The following PRDX6 variants were observed in gnomAD, a reference collection of about 807,000 sequenced individuals.
The protein encoded by PRDX6 is peroxiredoxin 6.
PRDX6 carries 13 observed loss-of-function variants against 20.0 expected under a neutral mutation model. The observed-to-expected ratio is 0.65, with a 90% CI of 0.42 to 1.03. The LOEUF (loss-of-function observed/expected upper bound fraction) is 1.03. Ranked by LOEUF, PRDX6 falls within the 50% of genes least tolerant of loss-of-function variation. The probability of loss-of-function intolerance (pLI) is 0.00; values close to 1 mark genes in which losing one functional copy is unlikely to be tolerated. For synonymous variants in PRDX6, 85 were observed against 100.8 expected (o/e 0.84, Z 0.94); for missense variants, 203 against 276.9 (o/e 0.73, Z 1.89).
At position 173,477,505 on chromosome 1, in the gene PRDX6, C is replaced by T. The variant is rs377000758; in HGVS notation, c.95+13C>T. ...TTCTGGGAGACTCGTAAGTGGCCAC[C>T]GCGTAGCCCTGTCCTGGCCTCGGTT... On this transcript the variant is annotated intron_variant, in intron 1 of 4. Transcript: ENST00000340385. 2.5e-6 allele frequency: 4 copies of T among 1,590,816 alleles called. No homozygotes were observed. The African/African-American group carries it at 4.1e-5, about 16-fold the overall frequency.
intron 1 of PRDX6, among the ~76,000 whole-genome samples, chr1:173,479,190 T>G (rs1658761363): frequency 6.6e-6 from 1 of 152,218 alleles, no homozygotes; most frequent in African/African-American, 2.4e-5. Flanking sequence ...TATTGGCCTC[T>G]AGATCCATCT....
At chr1:173,486,443 G>A (rs550921506) in intron 4 of PRDX6, 42 bp downstream of exon 4, 3 of 1,572,350 alleles carry the variant, frequency 1.9e-6, no homozygotes, top group South Asian at 1.2e-5. Context: ...CTTGCCTGAA[G>A]GGCCAGTCTC....
In PRDX6 at chr1:173,485,459, G is replaced by A. The variant is rs1658880213; in HGVS notation, c.351G>A (p.Leu117=). The stretch of plus-strand genomic sequence containing the variant: ...AGCTTGCCATCCTGTTGGGCATGCT[G>A]GATCCAGCAGAGAAGGATGAAAAGG... ...NRELAILLGM[L]DPAEKDEKGM... Residue 117 remains leucine (L), a synonymous_variant, in exon 3 of 5, where the codon CTG becomes CTA. Coordinates refer to ENST00000340385, the MANE Select transcript of PRDX6 (RefSeq NM_004905.3). 6.2e-7 allele frequency: 1 copy of A among 1,610,520 alleles called. No homozygotes were observed. The highest frequency in any genetic ancestry group is 1.7e-5 in the Admixed American group (1 of 59,408).
intron 2 of PRDX6, among the ~76,000 whole-genome samples, chr1:173,483,845 G>A (rs1319351185): frequency 6.6e-6 from 1 of 152,024 alleles, no homozygotes; most frequent in East Asian, 1.9e-4. Context: ...GCTCTCGCCT[G>A]TAATCCCAAC....
Position 173,488,364 on chromosome 1 carries a change from T to C in PRDX6, c.*501T>C, listed in dbSNP as rs1658936807. ...ATGCGCTTTAATTTTTTTTAATATG[T>C]TTTGATCACAGAACTTCTAGAATAA... On this transcript the variant is annotated 3_prime_UTR_variant, in exon 5 of 5. Transcript: ENST00000340385. The C allele has an allele frequency of 6.5e-6, 1 of 152,754 alleles. No individual in the cohort carries two copies. Among genetic ancestry groups the C allele is most frequent in the African/African-American group, 2.4e-5 (1 of 41,454 alleles). The allele number at this position is 152,754 out of a possible 1,614,324, so 9.5% of individuals were successfully genotyped here.
chr1:173,483,508 G>A (rs1258034277), intron 2 of PRDX6, among the ~76,000 whole-genome samples: 3 of 151,950 alleles, frequency 2.0e-5, no homozygotes, highest in South Asian at 2.1e-4. Context: ...CTGAGATCGC[G>A]CCACTGCACT....
intron 1 of PRDX6, among the ~76,000 whole-genome samples, chr1:173,477,759 G>A (rs1658725514): frequency 6.6e-6 from 1 of 152,246 alleles, no homozygotes; most frequent in Non-Finnish European, 1.5e-5. Flanking sequence ...GCTGGGCAAG[G>A]CCACGCCAAG....
intron 4 of PRDX6, among the ~76,000 whole-genome samples, chr1:173,487,374 G>T (rs948579304): frequency 6.6e-6 from 1 of 152,200 alleles, no homozygotes; most frequent in Non-Finnish European, 1.5e-5. Flanking sequence ...AGGAATACAA[G>T]GAAAGCTAGC....
chr1:173,477,376 G>GCGCCCCCTCATCACCGT lies in PRDX6; in HGVS notation c.-17_-1dup, dbSNP rs776577500. 2 of 1,593,166 alleles carry GCGCCCCCTCATCACCGT rather than the reference G, an allele frequency of 1.3e-6. No individual in the cohort carries two copies. Among genetic ancestry groups the GCGCCCCCTCATCACCGT allele is most frequent in the South Asian group, 2.2e-5 (2 of 89,430 alleles). On this transcript the variant is annotated 5_prime_UTR_variant, in exon 1 of 5. Coordinates refer to ENST00000340385, the MANE Select transcript of PRDX6 (RefSeq NM_004905.3). Reference sequence around the variant, plus strand: ...CAACCGGTTGCTTGCTGTCCCAGCGGCGCCCCCTCATCACCGTCGCCATGC... The same window carrying GCGCCCCCTCATCACCGT: ...CAACCGGTTGCTTGCTGTCCCAGCGGCGCCCCCTCATCACCGTCGCCCCCTCATCACCGTCGCCATGC...
At chr1:173,483,562 T>C (rs1658840955) in intron 2 of PRDX6, among the ~76,000 whole-genome samples, 1 of 151,862 alleles carries the variant, frequency 6.6e-6, no homozygotes, top group African/African-American at 2.4e-5. Context: ...AATAAATAAA[T>C]AAAAAGAATT....
chr1:173,477,481 T>G lies in PRDX6; in HGVS notation c.84T>G (p.Phe28Leu). ...TTVGRIRFHDFLGDSWGILFS... is the reference protein window; with the variant it reads ...TTVGRIRFHDLLGDSWGILFS... ...TCGGCCGCATCCGTTTCCACGACTT[T>G]CTGGGAGACTCGTAAGTGGCCACCG... Residue 28 changes from phenylalanine to leucine, a missense_variant, in exon 1 of 5, where the codon TTT becomes TTG. Phe to Leu is a conservative substitution (Grantham distance 22, BLOSUM62 0). Coordinates refer to ENST00000340385, the MANE Select transcript of PRDX6 (RefSeq NM_004905.3). 5 of 1,603,312 alleles carry G rather than the reference T, an allele frequency of 3.1e-6. No homozygotes were observed. Among genetic ancestry groups the G allele is most frequent in the Non-Finnish European group, 3.4e-6 (4 of 1,175,336 alleles).
chr1:173,477,441 A>G lies in PRDX6; in HGVS notation c.44A>G (p.Glu15Gly). Residue 15 changes from glutamate (E) to glycine (G), a missense_variant, in exon 1 of 5, where the codon GAG becomes GGG. Physicochemically the swap from Glu to Gly is moderately conservative, Grantham distance 98. Transcript: ENST00000340385. The part of the protein sequence containing the change: ...LLLGDVAPNF[E>G]ANTTVGRIRF... ...CTCGGGGACGTGGCTCCCAACTTTG[A>G]GGCCAATACCACCGTCGGCCGCATC... is the stretch of plus-strand genomic sequence containing the variant. 6.2e-7 allele frequency: 1 copy of G among 1,608,068 alleles called. No individual in the cohort carries two copies. Among genetic ancestry groups the G allele is most frequent in the Non-Finnish European group, 8.5e-7 (1 of 1,177,654 alleles).
At chr1:173,484,841 ATTTG>A (rs1329429620) in intron 2 of PRDX6, among the ~76,000 whole-genome samples, 92 of 132,836 alleles carry the variant, frequency 6.9e-4, no homozygotes, top group African/African-American at 2.5e-3. Context: ...TTGTTTTGTG[ATTTG>A]TTTTTTTTTT....
chr1:173,483,468 T>C (rs1421470467), intron 2 of PRDX6, among the ~76,000 whole-genome samples: 1 of 152,102 alleles, frequency 6.6e-6, no homozygotes, highest in Non-Finnish European at 1.5e-5. Flanking sequence ...GGAGAATGGC[T>C]TGAACCCGAG....
chr1:173,484,787 TTG>T (rs1658868917), intron 2 of PRDX6, among the ~76,000 whole-genome samples: 1 of 151,992 alleles, frequency 6.6e-6, no homozygotes, highest in Non-Finnish European at 1.5e-5. Flanking sequence ...TATTTTTGAC[TTG>T]TCCTTCAAGT....
Position 173,481,979 on chromosome 1 carries a change from T to A in PRDX6, c.252+497T>A, listed in dbSNP as rs544456954. On this transcript the variant is annotated intron_variant, in intron 2 of 4. Coordinates refer to ENST00000340385, the MANE Select transcript of PRDX6 (RefSeq NM_004905.3). ...ATATAACCACTGCCTACCTAGCATCTCTCCTGGGATGTCCAGTCATCTCAA... is the reference window on the plus strand; with the variant it reads ...ATATAACCACTGCCTACCTAGCATCACTCCTGGGATGTCCAGTCATCTCAA... 8 of 155,808 alleles carry A rather than the reference T, an allele frequency of 5.1e-5. No homozygotes were observed. The South Asian group carries it at 1.5e-3, about 30-fold the overall frequency. 9.7% of individuals were successfully genotyped at this position (155,808 alleles called of 1,614,324 possible). A position where few individuals can be genotyped will look rare whatever the true frequency, so the allele number is the denominator to read the frequency against.
intron 2 of PRDX6, among the ~76,000 whole-genome samples, chr1:173,483,841 G>A (rs949267121): frequency 6.6e-6 from 1 of 151,906 alleles, no homozygotes; most frequent in Non-Finnish European, 1.5e-5. Flanking sequence ...AGTGGCTCTC[G>A]CCTGTAATCC....
chr1:173,485,052 T>G (rs1658873996), intron 2 of PRDX6, among the ~76,000 whole-genome samples: 1 of 152,166 alleles, frequency 6.6e-6, no homozygotes, highest in South Asian at 2.1e-4. Context: ...TCTAACTAAA[T>G]TATTGCAATT....
intron 1 of PRDX6, among the ~76,000 whole-genome samples, chr1:173,478,235 C>G (rs1479015502): frequency 6.6e-6 from 1 of 152,226 alleles, no homozygotes; most frequent in Admixed American, 6.5e-5. Context: ...GGTGTGCCTT[C>G]AGAGATTCCA....
Sources: gnomAD v4.1 joint callset for allele counts (sites outside exome capture counted in the v4.1 genomes callset) on GRCh38, gnomAD v4.1.1 for gene constraint, MANE v1.5 for transcripts, NCBI Gene and HGNC (gene_info 2026-07-23, HGNC 2026-07-21) for gene names.